PTPRD: variants seen among roughly 807,000 people sequenced by gnomAD.
PTPRD encodes protein tyrosine phosphatase receptor type D.
Under a neutral mutation model 214.5 loss-of-function variants are expected in PTPRD, and 34 were observed. That is an observed-to-expected ratio of 0.16 (90% CI 0.12 to 0.21). PTPRD has a LOEUF of 0.21. PTPRD is among the 10% of genes least tolerant of loss of function. The pLI is 1.00. For missense variants in PTPRD, 2,545 were observed against 2,398.7 expected (o/e 1.06, Z -1.27); for synonymous variants, 1,128 against 845.7 (o/e 1.33, Z -5.79).
chr9:9,109,627 G>T (rs1296734641), intron 10 of PTPRD, among the ~76,000 whole-genome samples: 2 of 152,152 alleles, frequency 1.3e-5, no homozygotes, highest in African/African-American at 4.8e-5. Flanking sequence ...AAAGAGCTCA[G>T]TCTGGGTGGA....
intron 21 of PTPRD, among the ~76,000 whole-genome samples, chr9:8,509,165 G>C (rs2137662704): frequency 6.6e-6 from 1 of 152,152 alleles, no homozygotes; most frequent in East Asian, 1.9e-4. Context: ...AGCGAAAGAA[G>C]ATAAAAGATT....
intron 2 of PTPRD, among the ~76,000 whole-genome samples, chr9:10,518,988 T>C (rs1313160775): frequency 6.6e-6 from 1 of 151,852 alleles, no homozygotes; most frequent in Admixed American, 6.6e-5. Context: ...TTTTTAATGG[T>C]CAGAAGAAAC....
At chr9:9,947,346 A>AATATATATT (rs1216510491) in intron 4 of PTPRD, among the ~76,000 whole-genome samples, 2 of 43,686 alleles carry the variant, frequency 4.6e-5, no homozygotes, top group East Asian at 3.1e-3. Flanking sequence ...TTATATATAT[A>AATATATATT]ATATATATTA....
At chr9:9,999,111 C>A (rs1468879640) in intron 4 of PTPRD, among the ~76,000 whole-genome samples, 1 of 152,134 alleles carries the variant, frequency 6.6e-6, no homozygotes, top group Non-Finnish European at 1.5e-5. Flanking sequence ...GGAAATGAAA[C>A]CACGTTTATT....
intron 2 of PTPRD, among the ~76,000 whole-genome samples, chr9:10,458,561 T>C (rs2098934813): frequency 6.6e-6 from 1 of 152,162 alleles, no homozygotes; most frequent in South Asian, 2.1e-4. Flanking sequence ...TAAAGGACAT[T>C]TGTTTAAAAA....
At chr9:10,079,423 G>C (rs1278866850) in intron 3 of PTPRD, among the ~76,000 whole-genome samples, 12 of 152,106 alleles carry the variant, frequency 7.9e-5, no homozygotes, top group Admixed American at 7.9e-4. Flanking sequence ...CTGGGTTGTT[G>C]TGTTTTTGTT....
chr9:9,027,859 T>G (rs765520119), intron 10 of PTPRD, among the ~76,000 whole-genome samples: 7 of 152,100 alleles, frequency 4.6e-5, no homozygotes, highest in Non-Finnish European at 8.8e-5. Flanking sequence ...TCAAACTAAC[T>G]GCCATTTGGT....
intron 12 of PTPRD, among the ~76,000 whole-genome samples, chr9:8,693,517 G>A (rs1434264): frequency 0.27 from 40,918 of 152,018 alleles, 6,199 homozygotes; most frequent in African/African-American, 0.4. Flanking sequence ...CTTATTCTTT[G>A]CAAGCACTTT....
intron 7 of PTPRD, among the ~76,000 whole-genome samples, chr9:9,585,916 AG>A (rs2091864310): frequency 1.3e-5 from 2 of 152,062 alleles, no homozygotes; most frequent in African/African-American, 2.4e-5. Context: ...AACTGGAAGC[AG>A]GCTAACCAGA....
chr9:9,797,009 G>A (rs1252400776), intron 5 of PTPRD, among the ~76,000 whole-genome samples: 14 of 152,070 alleles, frequency 9.2e-5, no homozygotes, highest in Admixed American at 9.2e-4. Context: ...TAATAGAGAT[G>A]GAAGATTGAA....
At chr9:10,448,941 A>T (rs1198621465) in intron 2 of PTPRD, among the ~76,000 whole-genome samples, 1 of 152,076 alleles carries the variant, frequency 6.6e-6, no homozygotes, top group African/African-American at 2.4e-5. Flanking sequence ...AGTAATGATT[A>T]TACTTAATGA....
chr9:9,939,792 G>A (rs1810331930), intron 4 of PTPRD, among the ~76,000 whole-genome samples: 1 of 152,136 alleles, frequency 6.6e-6, no homozygotes, highest in South Asian at 2.1e-4. Flanking sequence ...TTTCTATGCA[G>A]TACGATGTGA....
chr9:10,253,346 T>A (rs2092958025), intron 3 of PTPRD, among the ~76,000 whole-genome samples: 1 of 152,176 alleles, frequency 6.6e-6, no homozygotes, highest in Non-Finnish European at 1.5e-5. Context: ...CCAGCAATTT[T>A]ATGCTCTTCC....
At chr9:9,376,624 G>A (rs2060877324) in intron 9 of PTPRD, among the ~76,000 whole-genome samples, 1 of 152,046 alleles carries the variant, frequency 6.6e-6, no homozygotes, top group South Asian at 2.1e-4. Context: ...TTTAAGATAT[G>A]AAATGAAACA....
chr9:9,441,600 G>T (rs189574898), intron 8 of PTPRD, among the ~76,000 whole-genome samples: 42 of 152,042 alleles, frequency 2.8e-4, no homozygotes, highest in African/African-American at 9.9e-4. Flanking sequence ...TTATCATGCT[G>T]CCCTTTCCAT....
intron 5 of PTPRD, among the ~76,000 whole-genome samples, chr9:9,837,661 G>A (rs1192899110): frequency 3.3e-5 from 5 of 152,142 alleles, no homozygotes; most frequent in Non-Finnish European, 7.4e-5. Context: ...TGCAGTGTCA[G>A]TGACATGAGG....
intron 8 of PTPRD, among the ~76,000 whole-genome samples, chr9:9,427,786 C>T (rs1330331309): frequency 1.3e-5 from 2 of 152,256 alleles, no homozygotes; most frequent in Non-Finnish European, 2.9e-5. Context: ...GAATTTTCAA[C>T]CCAGAATTTC....
At chr9:8,650,466 G>A (rs896152126) in intron 12 of PTPRD, among the ~76,000 whole-genome samples, 34 of 150,766 alleles carry the variant, frequency 2.3e-4, no homozygotes, top group Non-Finnish European at 2.2e-4. Context: ...CAGAGGTTGC[G>A]GTGAGCCGAG....
rs796394911 is a variant in PTPRD, at chr9:8,880,489, T to C, written c.-104+138208A>G. On this transcript the variant is annotated intron_variant, in intron 11 of 45. Transcript: ENST00000381196. The stretch of plus-strand genomic sequence containing the variant: ...ACTGATTTTAACGCCATTATTTTTA[T>C]TGAGTAAAATTCTAAATGTTCAGAG... 3.0e-4 allele frequency among the ~76,000 whole-genome samples: 45 copies of C among 152,306 alleles called. 1 individual carries two copies. Among genetic ancestry groups the C allele is most frequent in the African/African-American group, 9.6e-4 (40 of 41,572 alleles).
Sources: gnomAD v4.1 joint callset for allele counts (sites outside exome capture counted in the v4.1 genomes callset) on GRCh38, gnomAD v4.1.1 for gene constraint, MANE v1.5 for transcripts, NCBI Gene and HGNC (gene_info 2026-07-23, HGNC 2026-07-21) for gene names.